The following RAPGEF6 variants were observed in gnomAD, a reference collection of about 807,000 sequenced individuals.
RAPGEF6 encodes the protein Rap guanine nucleotide exchange factor 6, also known as PDZ domain containing guanine nucleotide exchange factor (GEF) 2.
A neutral mutation model predicts 171.4 loss-of-function variants in RAPGEF6; 56 were observed. The ratio of observed to expected loss-of-function variants is 0.33; its 90% CI spans 0.26 to 0.41. RAPGEF6 has a LOEUF of 0.41. RAPGEF6 is among the 10% of genes least tolerant of loss of function. The pLI, the probability that RAPGEF6 is intolerant of heterozygous loss-of-function variation, is 1.00. For missense variants in RAPGEF6, 1,674 were observed against 1,921.4 expected (o/e 0.87, Z 2.41); for synonymous variants, 692 against 650.1 (o/e 1.06, Z -0.98).
intron 4 of RAPGEF6, among the ~76,000 whole-genome samples, chr5:131,590,700 C>A (rs1441483699): frequency 6.6e-6 from 1 of 152,100 alleles, no homozygotes; most frequent in Non-Finnish European, 1.5e-5. Context: ...CATGATTTTT[C>A]TAAAATCTCA....
intron 19 of RAPGEF6, among the ~76,000 whole-genome samples, chr5:131,460,105 A>G (rs1753812553): frequency 1.3e-5 from 2 of 152,228 alleles, no homozygotes; most frequent in African/African-American, 2.4e-5. Flanking sequence ...TGATCTTTAC[A>G]TGAGCTATGA....
chr5:131,471,696 G>C (rs1412429044), intron 17 of RAPGEF6, among the ~76,000 whole-genome samples: 1 of 151,984 alleles, frequency 6.6e-6, no homozygotes, highest in Non-Finnish European at 1.5e-5. Flanking sequence ...CAAAACTTTA[G>C]ATTATATAAC....
chr5:131,611,673 A>G (rs925241679), intron 1 of RAPGEF6, among the ~76,000 whole-genome samples: 6 of 152,212 alleles, frequency 3.9e-5, no homozygotes, highest in African/African-American at 1.2e-4. Context: ...TTCTTGTCTC[A>G]AAAAGAGTCA....
intron 25 of RAPGEF6, among the ~76,000 whole-genome samples, chr5:131,431,650 G>A (rs1359127782): frequency 1.3e-5 from 2 of 149,236 alleles, no homozygotes; most frequent in African/African-American, 5.0e-5. Context: ...GTGTCACTCT[G>A]TTGCCCAGAC....
chr5:131,467,216 C>G (rs1003694027), intron 17 of RAPGEF6, among the ~76,000 whole-genome samples: 8 of 152,224 alleles, frequency 5.3e-5, no homozygotes, highest in Admixed American at 2.6e-4. Flanking sequence ...TATCTTGCTG[C>G]ATAGTGTTAC....
At chr5:131,549,579 C>T (rs1192286485) in intron 5 of RAPGEF6, among the ~76,000 whole-genome samples, 6 of 151,890 alleles carry the variant, frequency 4.0e-5, no homozygotes, top group African/African-American at 1.5e-4. Flanking sequence ...GGCGCAGTGG[C>T]GAGTGCCTGT....
intron 22 of RAPGEF6, among the ~76,000 whole-genome samples, chr5:131,443,811 A>C (rs965103459): frequency 1.3e-5 from 2 of 152,246 alleles, no homozygotes; most frequent in Admixed American, 6.5e-5. Context: ...CTTATGTGCC[A>C]GTAACTGACT....
intron 6 of RAPGEF6, among the ~76,000 whole-genome samples, chr5:131,523,201 G>C (rs919216918): frequency 2.0e-5 from 3 of 151,194 alleles, no homozygotes; most frequent in Non-Finnish European, 2.9e-5. Flanking sequence ...ATATACCAGG[G>C]GTTGGCAAAC....
intron 7 of RAPGEF6, among the ~76,000 whole-genome samples, chr5:131,514,081 A>G (rs528805579): frequency 6.6e-6 from 1 of 152,296 alleles, no homozygotes; most frequent in African/African-American, 2.4e-5. Flanking sequence ...TTATACCTCT[A>G]CTTTTTACAT....
At chr5:131,452,914 G>C in intron 21 of RAPGEF6, 140 bp downstream of exon 21, 1 of 1,053,464 alleles carries the variant, frequency 9.5e-7, no homozygotes, top group Non-Finnish European at 1.3e-6. Context: ...AATGATAAAT[G>C]ATTACATGAA....
At chr5:131,510,613 G>T in intron 7 of RAPGEF6, 122 bp from the exon 8 acceptor site, 1 of 817,204 alleles carries the variant, frequency 1.2e-6, no homozygotes, top group Non-Finnish European at 1.9e-6. Flanking sequence ...GCTGGATGCT[G>T]CATCAAGAAT....
At chr5:131,498,815 G>C (rs1319269216) in intron 11 of RAPGEF6, among the ~76,000 whole-genome samples, 1 of 152,228 alleles carries the variant, frequency 6.6e-6, no homozygotes, top group African/African-American at 2.4e-5. Flanking sequence ...AGAAAAGGCA[G>C]AGAAATAAAT....
At chr5:131,608,204 A>C (rs1217289126) in intron 1 of RAPGEF6, among the ~76,000 whole-genome samples, 2 of 152,224 alleles carry the variant, frequency 1.3e-5, no homozygotes, top group East Asian at 3.8e-4. Flanking sequence ...AGTAGTTGTA[A>C]GAAAAATCAT....
intron 8 of RAPGEF6, among the ~76,000 whole-genome samples, 183 bp downstream of exon 8, chr5:131,510,131 C>T (rs1228740194): frequency 6.6e-6 from 1 of 152,166 alleles, no homozygotes. Flanking sequence ...ACAACAACCT[C>T]ATGGGAGATA....
Position 131,498,437 on chromosome 5 carries a change from A to G in RAPGEF6, c.1419+6T>C. 1 of 1,587,378 alleles carries G rather than the reference A, an allele frequency of 6.3e-7. No homozygotes were observed. Among genetic ancestry groups the G allele is most frequent in the Non-Finnish European group, 8.6e-7 (1 of 1,166,096 alleles). Reference sequence around the variant, plus strand: ...AAATCACTTTCATGCCCCTTATAAAACCAACCTTATCTCTTAAGCTGTCGA... The same window carrying G: ...AAATCACTTTCATGCCCCTTATAAAGCCAACCTTATCTCTTAAGCTGTCGA... On this transcript the variant is annotated splice_donor_region_variant and intron_variant, in intron 12 of 27. Transcript: ENST00000509018.
At chr5:131,535,500 A>T (rs988238110) in intron 6 of RAPGEF6, among the ~76,000 whole-genome samples, 1 of 152,154 alleles carries the variant, frequency 6.6e-6, no homozygotes, top group Non-Finnish European at 1.5e-5. Flanking sequence ...GAATGTCCTG[A>T]TCTACCTATT....
chr5:131,600,840 GA>G (rs1333572702), intron 3 of RAPGEF6, among the ~76,000 whole-genome samples: 1 of 151,882 alleles, frequency 6.6e-6, no homozygotes, highest in Non-Finnish European at 1.5e-5. Context: ...GAGAAACAAA[GA>G]AAATCTTCGC....
intron 6 of RAPGEF6, among the ~76,000 whole-genome samples, chr5:131,524,219 G>T (rs971460199): frequency 3.3e-5 from 5 of 151,928 alleles, no homozygotes; most frequent in African/African-American, 1.2e-4. Flanking sequence ...GAAATGTGTG[G>T]GTAAATCTAC....
At chr5:131,596,219 A>T (rs192164602) in intron 3 of RAPGEF6, among the ~76,000 whole-genome samples, 3 of 99,316 alleles carry the variant, frequency 3.0e-5, no homozygotes, top group Admixed American at 1.1e-4. Context: ...GCCAAAGCAA[A>T]CAGGAGTAGC....
Sources: allele counts gnomAD v4.1 joint callset (sites outside exome capture counted in the v4.1 genomes callset), GRCh38; gene constraint gnomAD v4.1.1; transcripts MANE v1.5; gene names NCBI Gene and HGNC (gene_info 2026-07-23, HGNC 2026-07-21).